FYCO1: variants seen among roughly 807,000 people sequenced by gnomAD.
FYCO1 encodes the protein FYVE and coiled-coil domain-containing protein 1.
Under a neutral mutation model 165.1 loss-of-function variants are expected in FYCO1, and 122 were observed. The ratio of observed to expected loss-of-function variants is 0.74; its 90% confidence interval spans 0.64 to 0.86. The LOEUF (loss-of-function observed/expected upper bound fraction) is 0.86. Among genes scored for constraint, FYCO1 ranks in the 40% least tolerant of loss-of-function variants. The pLI, the probability that FYCO1 is intolerant of heterozygous loss-of-function variation, is 0.00. For missense variants in FYCO1, 1,702 were observed against 1,810.3 expected (o/e 0.94, Z 1.09); for synonymous variants, 648 against 742.5 (o/e 0.87, Z 2.07).
intron 5 of FYCO1, among the ~76,000 whole-genome samples, chr3:45,973,836 T>C (rs1392261506): frequency 1.3e-5 from 2 of 152,188 alleles, no homozygotes; most frequent in Admixed American, 6.5e-5. Context: ...GGCAGGAGGA[T>C]AGCTTGAACC....
At chr3:45,982,932 C>T (rs570428316) in intron 2 of FYCO1, among the ~76,000 whole-genome samples, 1 of 152,310 alleles carries the variant, frequency 6.6e-6, no homozygotes, top group South Asian at 2.1e-4. Context: ...CCTTCCTCCT[C>T]CACCCTCCTG....
In FYCO1 at chr3:45,964,884, T is replaced by C; in HGVS notation, c.3150+149A>G. 2 of 728,848 alleles carry C rather than the reference T, an allele frequency of 2.7e-6. No individual in the cohort carries two copies. Among genetic ancestry groups the C allele is most frequent in the Admixed American group, 2.0e-5 (1 of 48,852 alleles). The allele number at this position is 728,848 out of a possible 1,614,324, so 45.1% of individuals were successfully genotyped here. The stretch of plus-strand genomic sequence containing the variant: ...GTGTCCAGGGAATGGATGGAGGGGG[T>C]CAGGGTACAAACTAGGGTGTCTACA... On this transcript the variant is annotated intron_variant, in intron 9 of 17. Coordinates refer to ENST00000296137, the MANE Select transcript of FYCO1 (RefSeq NM_024513.4). This position sits in a 1 kb window ranked among gnomAD's most constrained non-coding sequence, Gnocchi z 4.1.
chr3:45,938,473 A>G (rs1704021948), intron 14 of FYCO1, among the ~76,000 whole-genome samples: 1 of 152,236 alleles, frequency 6.6e-6, no homozygotes, highest in East Asian at 1.9e-4. Flanking sequence ...ATAAGTATTT[A>G]TGAGGCTCTT....
intron 14 of FYCO1, 61 bp from the exon 15 acceptor site, chr3:45,936,604 T>C (rs1703905811): frequency 8.2e-7 from 1 of 1,212,344 alleles, no homozygotes; most frequent in African/African-American, 1.5e-5. Context: ...TCTCACATCC[T>C]GGGGTCCGCA....
chr3:45,966,231 T>C, intron 8 of FYCO1, 46 bp downstream of exon 8: 1 of 1,600,614 alleles, frequency 6.2e-7, no homozygotes, highest in African/African-American at 1.3e-5. Context: ...CCACCAGGCC[T>C]GCCCAGGGAG....
intron 1 of FYCO1, among the ~76,000 whole-genome samples, chr3:45,986,950 C>A (rs1707347152): frequency 6.6e-6 from 1 of 152,196 alleles, no homozygotes; most frequent in Non-Finnish European, 1.5e-5. Context: ...CTGGAAGAGC[C>A]TGGCTACCCA....
chr3:45,923,342 G>A (rs1703175146), intron 17 of FYCO1, among the ~76,000 whole-genome samples: 1 of 152,242 alleles, frequency 6.6e-6, no homozygotes, highest in Admixed American at 6.5e-5. Context: ...GAGAGGGAAA[G>A]GGCACCTTGG....
chr3:45,952,517 C>T (rs1705091486), intron 14 of FYCO1, among the ~76,000 whole-genome samples: 1 of 152,202 alleles, frequency 6.6e-6, no homozygotes. Flanking sequence ...TGGCTCTTCA[C>T]CCTAACAGAA....
In FYCO1 at chr3:45,968,295, AG is replaced by A; in HGVS notation, c.1038del (p.Leu347TrpfsTer19). The A allele has an allele frequency of 6.2e-7, 1 of 1,613,898 alleles. No individual in the cohort carries two copies. The highest frequency in any genetic ancestry group is 8.5e-7 in the Non-Finnish European group (1 of 1,180,022). On this transcript the variant is annotated frameshift_variant, in exon 8 of 18. Coordinates refer to ENST00000296137, the MANE Select transcript of FYCO1 (RefSeq NM_024513.4). LOFTEE classifies it high-confidence loss of function. ...ALRRLESMLQ[P>X]LAQELEATRD... ...CGTGTGGCCTCAAGCTCCTGTGCCA[AG>A]GGCTGCAGCATGGACTCCAGCCGCC... is the stretch of plus-strand genomic sequence containing the variant.
chr3:45,954,411 G>A (rs1705202162), intron 14 of FYCO1, among the ~76,000 whole-genome samples: 1 of 152,106 alleles, frequency 6.6e-6, no homozygotes, highest in South Asian at 2.1e-4. Flanking sequence ...TGGTCCCTAG[G>A]GCATGCTTCA....
At chr3:45,985,791 G>A (rs539323024) in intron 1 of FYCO1, among the ~76,000 whole-genome samples, 23 of 152,362 alleles carry the variant, frequency 1.5e-4, no homozygotes, top group South Asian at 1.0e-3. Context: ...TGATTTACCC[G>A]TAGGGCTGAA....
chr3:45,930,485 T>C (rs1703537567), intron 16 of FYCO1, among the ~76,000 whole-genome samples: 2 of 152,238 alleles, frequency 1.3e-5, no homozygotes, highest in Admixed American at 6.5e-5. Context: ...CACTTGGAGA[T>C]GTCTGGATCC....
chr3:45,929,510 G>A (rs1360145427), intron 16 of FYCO1, among the ~76,000 whole-genome samples: 2 of 152,162 alleles, frequency 1.3e-5, no homozygotes, highest in Non-Finnish European at 2.9e-5. Flanking sequence ...AGGGCTGGGG[G>A]CCTGGTGGGT....
rs1705781188 is a variant in FYCO1 at position 45,962,802 on chromosome 3, C to T, written c.3270-410G>A. 6.6e-6 allele frequency among the ~76,000 whole-genome samples: 1 copy of T among 152,046 alleles called. No homozygotes were observed. Among genetic ancestry groups the T allele is most frequent in the African/African-American group, 2.4e-5 (1 of 41,368 alleles). On this transcript the variant is annotated intron_variant, in intron 10 of 17. Coordinates refer to ENST00000296137, the MANE Select transcript of FYCO1 (RefSeq NM_024513.4). The surrounding 1 kb of genome is among the most constrained non-coding windows in gnomAD (Gnocchi z 4.4). ...CTGGAGGTGGCCACACAGAGGAGGG[C>T]CTGTCTTCCACACGTCCTTGGGACT...
chr3:45,962,330 T>C lies in FYCO1; in HGVS notation c.3332A>G (p.Gln1111Arg). ...KIQEYYNKLC[Q>R]EVTNRERNDQ... ...ATTCCTCTCACGATTTGTCACCTCC[T>C]GGCAGAGTTTGTTGTAATACTCTTG... The change falls in exon 11 of 18, where the codon CAG becomes CGG. Residue 1111 changes from glutamine to arginine, a missense_variant. Coordinates refer to ENST00000296137, the MANE Select transcript of FYCO1 (RefSeq NM_024513.4). This position sits in a 1 kb window ranked among gnomAD's most constrained non-coding sequence, Gnocchi z 4.4. 6.2e-7 allele frequency: 1 copy of C among 1,614,182 alleles called. No homozygotes were observed. Among genetic ancestry groups the C allele is most frequent in the Non-Finnish European group, 8.5e-7 (1 of 1,180,014 alleles).
At chr3:45,928,916 C>T (rs975939156) in intron 16 of FYCO1, among the ~76,000 whole-genome samples, 4 of 152,230 alleles carry the variant, frequency 2.6e-5, no homozygotes, top group East Asian at 1.9e-4. Flanking sequence ...CTACAGAGTC[C>T]AGTATACAGG....
intron 5 of FYCO1, among the ~76,000 whole-genome samples, chr3:45,973,957 A>G (rs2125860153): frequency 6.6e-6 from 1 of 152,282 alleles, no homozygotes; most frequent in East Asian, 1.9e-4. Flanking sequence ...GCTTCTCAAG[A>G]GGCTGAGGCA....
chr3:45,986,076 C>T (rs1707301157), intron 1 of FYCO1, among the ~76,000 whole-genome samples: 1 of 152,190 alleles, frequency 6.6e-6, no homozygotes, highest in African/African-American at 2.4e-5. Flanking sequence ...ATAACATCGT[C>T]CCTGTTTACA....
Position 45,965,116 on chromosome 3 carries a change from C to T in FYCO1, c.3067G>A (p.Glu1023Lys). ...TGGCCCCTGAGGCTCTTGCACTCTT[C>T]ACCAGCATTCTAGAGAGGACAAGAA... ...DYQSRLKNAG[E>K]ECKSLRGQLE... The change falls in exon 9 of 18, where the codon GAA becomes AAA. Residue 1023 changes from glutamate to lysine, a missense_variant. Transcript: ENST00000296137. 1 of 1,613,548 alleles carries T rather than the reference C, an allele frequency of 6.2e-7. No homozygotes were observed. The highest frequency in any genetic ancestry group is 1.1e-5 in the South Asian group (1 of 91,080).
Sources: allele counts gnomAD v4.1 joint callset (sites outside exome capture counted in the v4.1 genomes callset), GRCh38; gene constraint gnomAD v4.1.1; non-coding constraint Gnocchi (gnomAD v3.1); transcripts MANE v1.5; gene names NCBI Gene and HGNC (gene_info 2026-07-23, HGNC 2026-07-21).